Variants in SYTL2 observed in about 807,000 individuals in gnomAD.
SYTL2 encodes the protein synaptotagmin like 2.
Under a neutral mutation model 198.7 loss-of-function variants are expected in SYTL2, and 165 were observed. That is an observed-to-expected ratio of 0.83 (90% CI 0.73 to 0.94). The LOEUF is 0.94. Ranked by LOEUF, SYTL2 falls within the 40% of genes least tolerant of loss-of-function variation. SYTL2 has a pLI of 0.00. For missense variants in SYTL2, 2,835 were observed against 2,582.8 expected, an observed-to-expected ratio of 1.10 and a Z score of -2.12; for synonymous variants, 966 against 917.7, an observed-to-expected ratio of 1.05 and a Z score of -0.95.
intron 16 of SYTL2, among the ~76,000 whole-genome samples, chr11:85,703,697 T>C (rs2084689729): frequency 6.6e-6 from 1 of 152,102 alleles, no homozygotes; most frequent in African/African-American, 2.4e-5. Context: ...AAATATGTGG[T>C]TAAATCTAAA....
chr11:85,776,154 G>A (rs932821898), intron 1 of SYTL2, among the ~76,000 whole-genome samples: 6 of 152,150 alleles, frequency 3.9e-5, no homozygotes, highest in African/African-American at 1.2e-4. Context: ...CTGCACAGCT[G>A]GCTCCCCTTC....
the SYTL2 span, chr11:85,852,531 A>G: frequency 0.16 from 25,384 of 161,768 alleles, 2,195 homozygotes; most frequent in Middle Eastern, 0.19. Flanking sequence ...GCACCGCCAC[A>G]CCTGACTGGT....
At chr11:85,706,506 G>A (rs1482470971) in intron 15 of SYTL2, among the ~76,000 whole-genome samples, 2 of 152,200 alleles carry the variant, frequency 1.3e-5, no homozygotes, top group Non-Finnish European at 2.9e-5. Context: ...CATAAGAGGA[G>A]GTATTTAAGA....
intron 1 of SYTL2, among the ~76,000 whole-genome samples, chr11:85,772,069 ATTTT>A (rs1243098111): frequency 6.6e-6 from 1 of 151,998 alleles, no homozygotes; most frequent in Non-Finnish European, 1.5e-5. Flanking sequence ...CGCCTGGCTA[ATTTT>A]TTTATTTTTT....
intron 1 of SYTL2, among the ~76,000 whole-genome samples, chr11:85,789,366 A>ATATATG (rs1566026233): frequency 4.6e-4 from 22 of 47,806 alleles, no homozygotes; most frequent in Non-Finnish European, 2.1e-4. Flanking sequence ...ATATATATAT[A>ATATATG]TATATATATA....
At chr11:85,844,994 C>A in the SYTL2 span, among the ~76,000 whole-genome samples, 3 of 152,168 alleles carry the variant, frequency 2.0e-5, no homozygotes, top group Non-Finnish European at 4.4e-5. Context: ...TCATCATTTT[C>A]GTTTTTACCT....
At chr11:85,833,194 T>C in the SYTL2 span, among the ~76,000 whole-genome samples, 1 of 144,744 alleles carries the variant, frequency 6.9e-6, no homozygotes, top group Admixed American at 6.9e-5. Context: ...AAAGAAAAAA[T>C]AGGCAGCAAT....
At chr11:85,807,267 T>G (rs1382877724) in intron 1 of SYTL2, among the ~76,000 whole-genome samples, 1 of 152,238 alleles carries the variant, frequency 6.6e-6, no homozygotes, top group Non-Finnish European at 1.5e-5. Context: ...CAAGGAAACC[T>G]ACATTCTTTG....
chr11:85,719,631 C>T (rs2087961746), intron 9 of SYTL2, among the ~76,000 whole-genome samples: 1 of 151,924 alleles, frequency 6.6e-6, no homozygotes, highest in African/African-American at 2.4e-5. Flanking sequence ...GGGGGTTGGC[C>T]GCCTGTTGAG....
intron 11 of SYTL2, 37 bp from the exon 12 acceptor site, chr11:85,714,544 C>A (rs745872652): frequency 6.3e-7 from 1 of 1,592,236 alleles, no homozygotes; most frequent in African/African-American, 1.3e-5. Context: ...ATTATTCTTA[C>A]AATTGTCAGA....
intron 19 of SYTL2, 138 bp downstream of exon 19, chr11:85,696,045 T>C (rs1215607703): frequency 2.9e-6 from 2 of 680,878 alleles, no homozygotes; most frequent in African/African-American, 1.8e-5. Flanking sequence ...TCTTTACTCA[T>C]TTATTTCACT....
At chr11:85,843,293 G>A in the SYTL2 span, among the ~76,000 whole-genome samples, 5 of 152,130 alleles carry the variant, frequency 3.3e-5, no homozygotes, top group Admixed American at 3.3e-4. Flanking sequence ...ACTCGAACCT[G>A]GGAGGCAGAG....
At chr11:85,714,110 G>A (rs2086765559) in intron 12 of SYTL2, among the ~76,000 whole-genome samples, 1 of 152,166 alleles carries the variant, frequency 6.6e-6, no homozygotes, top group Non-Finnish European at 1.5e-5. Context: ...AACTACAGAG[G>A]AATAATCAGT....
At chr11:85,845,173 C>T in the SYTL2 span, among the ~76,000 whole-genome samples, 1 of 152,154 alleles carries the variant, frequency 6.6e-6, no homozygotes, top group African/African-American at 2.4e-5. Flanking sequence ...TCCACAGCAC[C>T]TTGCTTTTAC....
chr11:85,777,803 G>T, intron 1 of SYTL2, among the ~76,000 whole-genome samples: 1 of 126,638 alleles, frequency 7.9e-6, no homozygotes, highest in African/African-American at 2.9e-5. Flanking sequence ...AGAATTACAG[G>T]TCTTACTTCT....
intron 1 of SYTL2, among the ~76,000 whole-genome samples, chr11:85,806,271 T>C (rs986558979): frequency 5.4e-4 from 82 of 152,344 alleles, no homozygotes; most frequent in Non-Finnish European, 2.9e-4. Flanking sequence ...TAGCTGCACA[T>C]GTCTTTGCTC....
Position 85,724,505 on chromosome 11 carries a change from G to A in SYTL2, c.4853C>T (p.Thr1618Ile), listed in dbSNP as rs776939238. 1 of 1,613,838 alleles carries A rather than the reference G, an allele frequency of 6.2e-7. No homozygotes were observed. Among genetic ancestry groups the A allele is most frequent in the South Asian group, 1.1e-5 (1 of 91,078 alleles). ...ATTACTTTTATCCTTCATTTCAGAG[G>A]TCTGTGAGGCTGCCCTGTAAAAATG... is the stretch of plus-strand genomic sequence containing the variant. ...VPHFYRAASQ[T>I]SEMKDKSNGL... Residue 1618 changes from threonine to isoleucine, a missense_variant, in exon 8 of 20, where the codon ACC becomes ATC. Thr to Ile is a moderately conservative substitution (Grantham distance 89). This residue lies in a region of SYTL2 where 2,645 missense variants were observed against 2,381.7 expected (regional missense o/e 1.11). Coordinates refer to ENST00000359152, the MANE Select transcript of SYTL2 (RefSeq NM_206927.4).
intron 1 of SYTL2, among the ~76,000 whole-genome samples, chr11:85,774,700 C>T (rs1314317729): frequency 4.6e-5 from 7 of 152,226 alleles, no homozygotes; most frequent in Admixed American, 3.9e-4. Flanking sequence ...GTTATAGCAT[C>T]AGCAAATCTA....
chr11:85,702,295 T>C (rs988010262), intron 16 of SYTL2, among the ~76,000 whole-genome samples: 2 of 151,784 alleles, frequency 1.3e-5, no homozygotes, highest in African/African-American at 4.8e-5. Context: ...GTTCAAGTGA[T>C]CCTCCCATTT....
Sources: allele counts gnomAD v4.1 joint callset (sites outside exome capture counted in the v4.1 genomes callset), GRCh38; gene constraint gnomAD v4.1.1; regional missense constraint gnomAD v4.1.1; transcripts MANE v1.5; gene names NCBI Gene and HGNC (gene_info 2026-07-23, HGNC 2026-07-21).